The following GALNTL6 variants were observed in gnomAD, a reference collection of about 807,000 sequenced individuals.
The protein encoded by GALNTL6 is polypeptide N-acetylgalactosaminyltransferase-like 6.
A neutral mutation model predicts 73.7 loss-of-function variants in GALNTL6; 46 were observed. The observed-to-expected ratio is 0.62, with a 90% CI of 0.49 to 0.80. The LOEUF is 0.80. Ranked by LOEUF, GALNTL6 falls within the 30% of genes least tolerant of loss-of-function variation. The pLI is 0.00. For missense variants in GALNTL6, 604 were observed against 755.0 expected (o/e 0.80, Z 2.34); for synonymous variants, 259 against 263.7 (o/e 0.98, Z 0.17).
intron 2 of GALNTL6, among the ~76,000 whole-genome samples, chr4:172,198,955 G>C (rs1012830858): frequency 6.6e-6 from 1 of 151,904 alleles, no homozygotes; most frequent in Non-Finnish European, 1.5e-5. Flanking sequence ...CAGTTCCTTA[G>C]ATATCACTTC....
intron 5 of GALNTL6, among the ~76,000 whole-genome samples, chr4:172,637,109 C>A (rs1019372876): frequency 2.6e-5 from 4 of 152,050 alleles, no homozygotes; most frequent in Non-Finnish European, 5.9e-5. Flanking sequence ...ATATTAATTG[C>A]TAACTCATTA....
At chr4:172,158,005 G>A (rs1734337441) in intron 2 of GALNTL6, among the ~76,000 whole-genome samples, 2 of 152,210 alleles carry the variant, frequency 1.3e-5, no homozygotes, top group Non-Finnish European at 2.9e-5. Flanking sequence ...ACCAGAAACA[G>A]ATGGAGGAAT....
chr4:171,984,962 A>T (rs1470238023), intron 2 of GALNTL6, among the ~76,000 whole-genome samples: 1 of 151,966 alleles, frequency 6.6e-6, no homozygotes, highest in Non-Finnish European at 1.5e-5. Context: ...ACCATCAAAA[A>T]TTAGCAAAAT....
chr4:172,362,687 C>T (rs961610304), intron 5 of GALNTL6, among the ~76,000 whole-genome samples: 3 of 152,166 alleles, frequency 2.0e-5, no homozygotes, highest in Non-Finnish European at 4.4e-5. Context: ...AGCTAGAAGG[C>T]ACACTGATAC....
intron 12 of GALNTL6, among the ~76,000 whole-genome samples, chr4:173,031,215 A>T (rs1175320596): frequency 1.5e-5 from 2 of 130,596 alleles, no homozygotes; most frequent in Non-Finnish European, 3.3e-5. Context: ...TATTCTGATG[A>T]TTAAAAAAAA....
At chr4:171,905,837 T>G (rs930147921) in intron 2 of GALNTL6, among the ~76,000 whole-genome samples, 1 of 151,262 alleles carries the variant, frequency 6.6e-6, no homozygotes, top group Non-Finnish European at 1.5e-5. Context: ...GGATTAAGAA[T>G]CTCACTCAAA....
chr4:172,194,901 TAGCC>T (rs1162300083), intron 2 of GALNTL6, among the ~76,000 whole-genome samples: 1 of 152,104 alleles, frequency 6.6e-6, no homozygotes, highest in Non-Finnish European at 1.5e-5. Flanking sequence ...GTCTGCAAAA[TAGCC>T]AGCTAGTATC....
chr4:171,964,604 C>T (rs1196767720), intron 2 of GALNTL6, among the ~76,000 whole-genome samples: 2 of 152,118 alleles, frequency 1.3e-5, no homozygotes, highest in African/African-American at 2.4e-5. Context: ...CATCATCTTT[C>T]ACCTGTTATT....
At chr4:172,832,670 C>T (rs926699015) in intron 7 of GALNTL6, among the ~76,000 whole-genome samples, 5 of 152,188 alleles carry the variant, frequency 3.3e-5, no homozygotes, top group Non-Finnish European at 7.3e-5. Flanking sequence ...AGCAGACAGC[C>T]TGAGGAGCAA....
intron 7 of GALNTL6, among the ~76,000 whole-genome samples, chr4:172,836,198 C>G (rs747025135): frequency 6.6e-6 from 1 of 152,222 alleles, no homozygotes; most frequent in African/African-American, 2.4e-5. Context: ...CAGCATGGCC[C>G]ATTCTTGCTT....
intron 2 of GALNTL6, among the ~76,000 whole-genome samples, chr4:171,983,565 C>A (rs1579030846): frequency 2.6e-5 from 4 of 151,916 alleles, no homozygotes; most frequent in Admixed American, 2.6e-4. Context: ...CATCACGGCT[C>A]ATTATAGCCT....
chr4:172,133,771 A>T (rs34548443), intron 2 of GALNTL6, among the ~76,000 whole-genome samples: 26 of 152,220 alleles, frequency 1.7e-4, no homozygotes, highest in African/African-American at 6.3e-4. Flanking sequence ...AGAAGCATGG[A>T]AAGGCATGGC....
At chr4:172,375,791 C>T (rs183330400) in intron 5 of GALNTL6, among the ~76,000 whole-genome samples, 5 of 152,158 alleles carry the variant, frequency 3.3e-5, no homozygotes, top group African/African-American at 4.8e-5. Context: ...CAAGAAAAAT[C>T]GGGTTTAGTG....
chr4:172,759,376 A>G (rs187014814), intron 5 of GALNTL6, among the ~76,000 whole-genome samples: 5 of 152,330 alleles, frequency 3.3e-5, no homozygotes, highest in African/African-American at 9.6e-5. Flanking sequence ...AAATTCTACA[A>G]ACTGGAACAG....
intron 2 of GALNTL6, among the ~76,000 whole-genome samples, chr4:171,886,471 G>A (rs1025543715): frequency 2.5e-5 from 3 of 117,656 alleles, no homozygotes; most frequent in Non-Finnish European, 5.3e-5. Flanking sequence ...GTGCATTTTA[G>A]TTTATGAGTA....
chr4:172,903,506 A>G (rs763998887), intron 8 of GALNTL6, among the ~76,000 whole-genome samples: 1 of 152,216 alleles, frequency 6.6e-6, no homozygotes, highest in Non-Finnish European at 1.5e-5. Context: ...CCCATTAAAC[A>G]TAAACATCAA....
intron 2 of GALNTL6, among the ~76,000 whole-genome samples, chr4:171,957,980 C>A (rs1739102756): frequency 6.6e-6 from 1 of 152,146 alleles, no homozygotes; most frequent in African/African-American, 2.4e-5. Context: ...AAATAATGAA[C>A]CTGCATGTAA....
At chr4:171,999,463 G>C (rs1740603961) in intron 2 of GALNTL6, among the ~76,000 whole-genome samples, 1 of 152,094 alleles carries the variant, frequency 6.6e-6, no homozygotes, top group Non-Finnish European at 1.5e-5. Context: ...ATTAGATTAT[G>C]GTCCAGTGAC....
Position 171,817,232 on chromosome 4 carries a change from T to C in GALNTL6, c.138+2514T>C, listed in dbSNP as rs147678595. On this transcript the variant is annotated intron_variant, in intron 2 of 12. Coordinates refer to ENST00000506823, the MANE Select transcript of GALNTL6 (RefSeq NM_001034845.3). ...AATGAGTGAACTATTTTTACAGTAC[T>C]TATGTGTAAAACAGCCAAGGGTTCT... is the stretch of plus-strand genomic sequence containing the variant. Among the ~76,000 whole-genome samples, 769 of 152,098 alleles carry C rather than the reference T, an allele frequency of 5.1e-3. 7 individuals carry two copies. Among genetic ancestry groups the C allele is most frequent in the African/African-American group, 0.018 (733 of 41,548 alleles).
Sources: allele counts gnomAD v4.1 joint callset (sites outside exome capture counted in the v4.1 genomes callset), GRCh38; gene constraint gnomAD v4.1.1; transcripts MANE v1.5; gene names NCBI Gene and HGNC (gene_info 2026-07-23, HGNC 2026-07-21).